Variants in GGTA1 observed in about 807,000 individuals in gnomAD.
GGTA1 encodes the protein inactive N-acetyllactosaminide alpha-1,3-galactosyltransferase.
GGTA1 carries 5 observed loss-of-function variants against 2.6 expected under a neutral mutation model. The ratio of observed to expected loss-of-function variants is 1.92; its 90% CI spans 1.00 to 4.04. The LOEUF (loss-of-function observed/expected upper bound fraction) is 4.04, where lower values mean the gene tolerates loss of function less well. GGTA1 is among the 30% of genes most tolerant of loss of function. The pLI, the probability that GGTA1 is intolerant of heterozygous loss-of-function variation, is 0.00. For missense variants in GGTA1, 50 were observed against 16.7 expected (o/e 2.99, Z -3.47); for synonymous variants, 17 against 5.0 (o/e 3.38, Z -3.19).
chr9:121,487,055 G>T (rs1828771727), intron 1 of GGTA1, among the ~76,000 whole-genome samples: 1 of 152,124 alleles, frequency 6.6e-6, no homozygotes, highest in African/African-American at 2.4e-5. Context: ...CCTCGATGCT[G>T]CCCCAAAGCA....
Position 121,499,799 on chromosome 9 carries a change from G to C in GGTA1, c.-159C>G, listed in dbSNP as rs1377091726. 1.3e-5 allele frequency: 2 copies of C among 151,974 alleles called. No homozygotes were observed. Among genetic ancestry groups the C allele is most frequent in the Non-Finnish European group, 2.9e-5 (2 of 67,960 alleles). The allele number at this position is 151,974 out of a possible 1,614,324, so 9.4% of individuals were successfully genotyped here. A position where few individuals can be genotyped will look rare whatever the true frequency, so the allele number is the denominator to read the frequency against. On this transcript the variant is annotated 5_prime_UTR_variant, in exon 1 of 6. Transcript: ENST00000481799. ...CGAGCGGAGGCGCGTCCTCCCGCCCGTGGGCCGGCCGGCCGGGCTTCTGCT... is the reference window on the plus strand; with the variant it reads ...CGAGCGGAGGCGCGTCCTCCCGCCCCTGGGCCGGCCGGCCGGGCTTCTGCT...
At chr9:121,496,109 C>T (rs1828987248) in intron 1 of GGTA1, among the ~76,000 whole-genome samples, 1 of 152,224 alleles carries the variant, frequency 6.6e-6, no homozygotes, top group Admixed American at 6.5e-5. Context: ...GCTCACAACT[C>T]CTTATCATGG....
At chr9:121,482,797 A>T (rs1474622107) in intron 1 of GGTA1, among the ~76,000 whole-genome samples, 1 of 151,756 alleles carries the variant, frequency 6.6e-6, no homozygotes, top group Non-Finnish European at 1.5e-5. Context: ...AAATTACAAA[A>T]TTAGCTGGGT....
rs1053244654 is a variant in GGTA1, at chr9:121,455,423, T to C, written c.*414A>G. 2.0e-5 allele frequency: 3 copies of C among 152,590 alleles called. No homozygotes were observed. Among genetic ancestry groups the C allele is most frequent in the African/African-American group, 7.2e-5 (3 of 41,462 alleles). The allele number at this position is 152,590 out of a possible 1,614,324, so 9.5% of individuals were successfully genotyped here. ...AAAGGAAAAGGAGGAATAGGTATACTTATTTAATACTTATTGTGCACCAGA... is the reference window on the plus strand; with the variant it reads ...AAAGGAAAAGGAGGAATAGGTATACCTATTTAATACTTATTGTGCACCAGA... On this transcript the variant is annotated 3_prime_UTR_variant, in exon 6 of 6. Transcript: ENST00000481799.
chr9:121,494,972 TG>T (rs151230554), intron 1 of GGTA1, among the ~76,000 whole-genome samples: 31,064 of 142,412 alleles, frequency 0.22, 4,043 homozygotes, highest in Middle Eastern at 0.3. Context: ...TCACTCAGGC[TG>T]GAGTGCAGTG....
downstream of GGTA1, among the ~76,000 whole-genome samples, chr9:121,452,588 G>A (rs1175191931): frequency 6.6e-6 from 1 of 151,752 alleles, no homozygotes; most frequent in Non-Finnish European, 1.5e-5. Flanking sequence ...GCAGGATCTT[G>A]GCTCACTGTA....
rs559237297 is a variant in GGTA1, at chr9:121,464,729, A to G, written c.81-1401T>C. ...AGTTCCCATCATGATCACCACTATCATGAATATTTCATCATAATTTTGAAG... is the reference window on the plus strand; with the variant it reads ...AGTTCCCATCATGATCACCACTATCGTGAATATTTCATCATAATTTTGAAG... On this transcript the variant is annotated intron_variant, in intron 2 of 5. Transcript: ENST00000481799. Among the ~76,000 whole-genome samples the G allele has an allele frequency of 1.8e-4, 28 of 152,368 alleles. No individual in the cohort carries two copies. The South Asian group carries it at 5.6e-3, about 30-fold the overall frequency.
At chr9:121,496,026 C>T (rs1401377365) in intron 1 of GGTA1, among the ~76,000 whole-genome samples, 2 of 152,232 alleles carry the variant, frequency 1.3e-5, no homozygotes, top group Non-Finnish European at 2.9e-5. Context: ...AGTACCAGGT[C>T]TTTAAATCCC....
At chr9:121,446,286 G>A (rs965608219) in exon 8 of GGTA1, 4 of 152,254 alleles carry the variant, frequency 2.6e-5, no homozygotes, top group African/African-American at 9.7e-5. Context: ...TGGGCACCTT[G>A]GCTCATTCAG....
At chr9:121,464,487 T>C (rs551904718) in intron 2 of GGTA1, among the ~76,000 whole-genome samples, 16 of 152,200 alleles carry the variant, frequency 1.1e-4, no homozygotes, top group Middle Eastern at 3.4e-3. Flanking sequence ...CCACCATGCC[T>C]GGCTAATTTT....
At chr9:121,497,850 G>A (rs1052743509) in intron 1 of GGTA1, among the ~76,000 whole-genome samples, 3 of 152,176 alleles carry the variant, frequency 2.0e-5, no homozygotes, top group Non-Finnish European at 4.4e-5. Context: ...CAGCCCTGTG[G>A]CCCTGGAGTT....
rs549079781 is a variant in GGTA1 at position 121,465,325 on chromosome 9, C to T, written c.81-1997G>A. 6.6e-5 allele frequency among the ~76,000 whole-genome samples: 10 copies of T among 152,378 alleles called. No individual in the cohort carries two copies. The South Asian group carries it at 2.1e-3, about 32-fold the overall frequency. On this transcript the variant is annotated intron_variant, in intron 2 of 5. Transcript: ENST00000481799. ...AGACATTCCGACTCCAGGCAGGAAC[C>T]CCAAAGGGTACTTGTTCTTCTGTTG...
chr9:121,450,123 A>G (rs1164291397), downstream of GGTA1, among the ~76,000 whole-genome samples: 1 of 152,104 alleles, frequency 6.6e-6, no homozygotes, highest in African/African-American at 2.4e-5. Context: ...TTTATTTGTT[A>G]CCAAAATAAA....
intron 5 of GGTA1, among the ~76,000 whole-genome samples, chr9:121,456,820 C>A (rs561070254): frequency 2.0e-5 from 3 of 152,112 alleles, no homozygotes; most frequent in Admixed American, 6.6e-5. Context: ...TACAGACATG[C>A]GCCACTGCAT....
At chr9:121,473,139 G>A (rs777321542) in intron 1 of GGTA1, among the ~76,000 whole-genome samples, 2 of 151,954 alleles carry the variant, frequency 1.3e-5, no homozygotes, top group Non-Finnish European at 2.9e-5. Flanking sequence ...GGCCAACATG[G>A]CAAAACCCCT....
chr9:121,495,018 G>A (rs140818838), intron 1 of GGTA1, among the ~76,000 whole-genome samples: 40,684 of 146,470 alleles, frequency 0.28, 6,019 homozygotes, highest in Middle Eastern at 0.4. Context: ...TCCACCTCCC[G>A]GGTTCAAGCA....
At chr9:121,449,857 A>G (rs917649547) in intron 7 of GGTA1, among the ~76,000 whole-genome samples, 5 of 151,324 alleles carry the variant, frequency 3.3e-5, no homozygotes, top group East Asian at 1.9e-4. Context: ...AAAAAAAAAA[A>G]AAGAAGAAGA....
In GGTA1 at chr9:121,480,824, A is replaced by C. The variant is rs544503803; in HGVS notation, c.-9-12893T>G. Among the ~76,000 whole-genome samples, 5 of 152,190 alleles carry C rather than the reference A, an allele frequency of 3.3e-5. No individual in the cohort carries two copies. The South Asian group carries it at 1.0e-3, about 32-fold the overall frequency. ...TGCTCCCAGTTCCACACCCAAACGA[A>C]AGTGTGTGGATGTTCACCAAGACAC... On this transcript the variant is annotated intron_variant, in intron 1 of 5. Transcript: ENST00000481799.
chr9:121,461,586 G>A (rs978919408), intron 3 of GGTA1, among the ~76,000 whole-genome samples: 3 of 152,078 alleles, frequency 2.0e-5, no homozygotes, highest in African/African-American at 7.2e-5. Context: ...GGGCTGGAGT[G>A]GGGGTGGTAT....
Sources: gnomAD v4.1 joint callset for allele counts (sites outside exome capture counted in the v4.1 genomes callset) on GRCh38, gnomAD v4.1.1 for gene constraint, MANE v1.5 for transcripts, NCBI Gene and HGNC (gene_info 2026-07-23, HGNC 2026-07-21) for gene names.